The following PPA2 variants were observed in gnomAD, a reference collection of about 807,000 sequenced individuals.
PPA2 encodes the protein inorganic pyrophosphatase 2, mitochondrial.
A neutral mutation model predicts 49.5 loss-of-function variants in PPA2; 48 were observed. The observed-to-expected ratio is 0.97, with a 90% CI of 0.77 to 1.23. The LOEUF (loss-of-function observed/expected upper bound fraction) is 1.23. PPA2 is among the 50% of genes most tolerant of loss of function. PPA2 has a pLI of 0.00. For missense variants in PPA2, 429 were observed against 410.1 expected (o/e 1.05, Z -0.40); for synonymous variants, 131 against 139.9 (o/e 0.94, Z 0.45).
chr4:105,374,851 CTTTTT>C (rs1249634814), intron 10 of PPA2, among the ~76,000 whole-genome samples: 1 of 145,850 alleles, frequency 6.9e-6, no homozygotes, highest in Non-Finnish European at 1.5e-5. Context: ...CTTTCTTTTT[CTTTTT>C]TCTTTTTTTT....
Position 105,424,247 on chromosome 4 carries a change from A to G in PPA2, c.604T>C (p.Trp202Arg), listed in dbSNP as rs747704356. The G allele has an allele frequency of 3.9e-5, 62 of 1,610,280 alleles. No individual in the cohort carries two copies. The highest frequency in any genetic ancestry group is 5.3e-5 in the Non-Finnish European group (62 of 1,179,030). The change falls in exon 7 of 12, where the codon TGG becomes CGG. Residue 202 changes from tryptophan to arginine, a missense_variant. By Grantham distance (101) the Trp-to-Arg change is moderately radical (BLOSUM62 -3). Transcript: ENST00000341695. The stretch of plus-strand genomic sequence containing the variant: ...TTCGCATTGATAGCAATTAATTTCC[A>G]ATCTGTTTCACCTTCATCAATAAGA... ...LALIDEGETD[W>R]KLIAINANDP...
intron 6 of PPA2, among the ~76,000 whole-genome samples, chr4:105,436,997 G>T (rs577534363): frequency 1.6e-4 from 24 of 152,206 alleles, no homozygotes; most frequent in African/African-American, 5.8e-4. Flanking sequence ...AAAACCTTCT[G>T]CATAGCAAAA....
chr4:105,400,345 C>T (rs1182746508), intron 7 of PPA2, among the ~76,000 whole-genome samples: 2 of 151,990 alleles, frequency 1.3e-5, no homozygotes, highest in Non-Finnish European at 2.9e-5. Context: ...AATCAATGCC[C>T]AAGATAAATA....
intron 7 of PPA2, among the ~76,000 whole-genome samples, chr4:105,409,701 T>C (rs1722661521): frequency 6.6e-6 from 1 of 152,176 alleles, no homozygotes; most frequent in Admixed American, 6.5e-5. Context: ...AGAGGAAGGA[T>C]CAGGCAGCAG....
Position 105,369,672 on chromosome 4 carries a change from A to ACTTGGAGAAAAAGAGT in PPA2, c.*52_*53insACTCTTTTTCTCCAAG. The ACTTGGAGAAAAAGAGT allele has an allele frequency of 6.7e-7, 1 of 1,499,234 alleles. No individual in the cohort carries two copies. Among genetic ancestry groups the ACTTGGAGAAAAAGAGT allele is most frequent in the Non-Finnish European group, 9.3e-7 (1 of 1,076,506 alleles). 92.9% of individuals were successfully genotyped at this position (1,499,234 alleles called of 1,614,324 possible). ...GCTCATAGACCCCCTTGTCTCTAGC[A>ACTTGGAGAAAAAGAGT]CTTGGAGTCCTTAGAGATGGGAATC... is the stretch of plus-strand genomic sequence containing the variant. On this transcript the variant is annotated 3_prime_UTR_variant, in exon 12 of 12. Transcript: ENST00000341695.
chr4:105,436,744 G>A (rs947622571), intron 6 of PPA2, among the ~76,000 whole-genome samples: 2 of 152,074 alleles, frequency 1.3e-5, no homozygotes, highest in Non-Finnish European at 2.9e-5. Flanking sequence ...TCAATAAATG[G>A]TACTGGGAAA....
In PPA2 at chr4:105,470,625, A is replaced by G. The variant is rs559429873; in HGVS notation, c.157+3269T>C. ...TTATTTTCTCCCTTCACAGAATCTAATAATAAGGATTTTAGTCTAATGTCT... is the reference window on the plus strand; with the variant it reads ...TTATTTTCTCCCTTCACAGAATCTAGTAATAAGGATTTTAGTCTAATGTCT... On this transcript the variant is annotated intron_variant, in intron 1 of 11. Coordinates refer to ENST00000341695, the MANE Select transcript of PPA2 (RefSeq NM_176869.3). 9.8e-3 allele frequency among the ~76,000 whole-genome samples: 1,495 copies of G among 152,384 alleles called. 32 individuals carry two copies. Among genetic ancestry groups the G allele is most frequent in the African/African-American group, 0.034 (1,417 of 41,594 alleles).
At chr4:105,447,142 T>G (rs1722421860) in intron 4 of PPA2, among the ~76,000 whole-genome samples, 1 of 152,114 alleles carries the variant, frequency 6.6e-6, no homozygotes, top group Non-Finnish European at 1.5e-5. Flanking sequence ...TCAACCTAAG[T>G]GTCCATCAAC....
intron 7 of PPA2, among the ~76,000 whole-genome samples, chr4:105,410,188 A>G (rs1446049488): frequency 6.6e-6 from 1 of 152,234 alleles, no homozygotes; most frequent in Admixed American, 6.5e-5. Context: ...CAAATGGATA[A>G]CTAGAATAAA....
chr4:105,385,904 G>C (rs1733660753), intron 10 of PPA2, among the ~76,000 whole-genome samples: 1 of 139,548 alleles, frequency 7.2e-6, no homozygotes. Context: ...TTTTGAGACA[G>C]AGTCTCACTC....
chr4:105,379,425 G>GTAGATAGA (rs369483034), intron 10 of PPA2, among the ~76,000 whole-genome samples: 8,701 of 140,120 alleles, frequency 0.062, 382 homozygotes, highest in African/African-American at 0.12. Flanking sequence ...ATCAATATGT[G>GTAGATAGA]TAGATAGATA....
chr4:105,444,777 T>C (rs1724528278), intron 5 of PPA2, among the ~76,000 whole-genome samples: 1 of 152,200 alleles, frequency 6.6e-6, no homozygotes, highest in Non-Finnish European at 1.5e-5. Flanking sequence ...GTTTAGTTCT[T>C]GATTGCCCCA....
intron 6 of PPA2, among the ~76,000 whole-genome samples, chr4:105,425,049 A>C (rs2726516): frequency 0.56 from 84,765 of 151,964 alleles, 23,722 homozygotes; most frequent in East Asian, 0.68. Context: ...TCTCAAACAA[A>C]GGTTACTCTA....
At chr4:105,458,780 C>T (rs1051482600) in intron 1 of PPA2, among the ~76,000 whole-genome samples, 17 of 139,938 alleles carry the variant, frequency 1.2e-4, no homozygotes, top group African/African-American at 4.8e-4. Flanking sequence ...CGAAATCGCA[C>T]CACTGCACTC....
intron 7 of PPA2, among the ~76,000 whole-genome samples, chr4:105,407,919 T>A (rs1486277389): frequency 6.6e-6 from 1 of 152,290 alleles, no homozygotes; most frequent in East Asian, 1.9e-4. Context: ...AATGTGATAG[T>A]TGCTAGAAGA....
At chr4:105,435,245 T>C (rs1723995016) in intron 6 of PPA2, among the ~76,000 whole-genome samples, 1 of 152,194 alleles carries the variant, frequency 6.6e-6, no homozygotes, top group Non-Finnish European at 1.5e-5. Flanking sequence ...ATTTTTTAGA[T>C]GGTAGTCATA....
rs1373613592 is a variant in PPA2 at position 105,386,635 on chromosome 4, T to C, written c.871A>G (p.Thr291Ala). ...GGGCTATCAGATATCTGCACGTTTG[T>C]GCTGGAGAGGAAAAGAGAATGTTAT... ...KKCNGGAINC[T>A]NVQISDSPFR... The change falls in exon 10 of 12, where the codon ACA (threonine) becomes GCA (alanine). Residue 291 changes from threonine (T) to alanine (A), a missense_variant and splice_region_variant. By Grantham distance (58) the Thr-to-Ala change is moderately conservative. Coordinates refer to ENST00000341695, the MANE Select transcript of PPA2 (RefSeq NM_176869.3). The C allele has an allele frequency of 6.2e-7, 1 of 1,611,574 alleles. No individual in the cohort carries two copies. The highest frequency in any genetic ancestry group is 8.5e-7 in the Non-Finnish European group (1 of 1,178,248).
At chr4:105,415,393 C>T (rs1722960210) in intron 7 of PPA2, among the ~76,000 whole-genome samples, 2 of 152,298 alleles carry the variant, frequency 1.3e-5, no homozygotes, top group African/African-American at 4.8e-5. Flanking sequence ...CAGAGGGGGC[C>T]GAGGTGGCAG....
chr4:105,387,431 C>T (rs1353146611), intron 9 of PPA2, among the ~76,000 whole-genome samples: 2 of 152,112 alleles, frequency 1.3e-5, no homozygotes, highest in East Asian at 1.9e-4. Flanking sequence ...GTAAAACACA[C>T]GTAAACATAT....
Sources: gnomAD v4.1 joint callset for allele counts (sites outside exome capture counted in the v4.1 genomes callset) on GRCh38, gnomAD v4.1.1 for gene constraint, MANE v1.5 for transcripts, NCBI Gene and HGNC (gene_info 2026-07-23, HGNC 2026-07-21) for gene names.